TBC1D5: variants seen among roughly 807,000 people sequenced by gnomAD.
TBC1D5 encodes TBC1 domain family, member 5.
In TBC1D5, 75 loss-of-function variants were observed where a neutral mutation model predicts 100.3. The observed-to-expected ratio is 0.75, with a 90% CI of 0.62 to 0.91. TBC1D5 has a LOEUF of 0.91. Among genes scored for constraint, TBC1D5 ranks in the 40% least tolerant of loss-of-function variants. TBC1D5 has a pLI of 0.00. For missense variants in TBC1D5, 910 were observed against 942.4 expected, an observed-to-expected ratio of 0.97 and a Z score of 0.45; for synonymous variants, 323 against 325.6, an observed-to-expected ratio of 0.99 and a Z score of 0.09.
At chr3:17,612,200 T>A (rs1226800921) in intron 2 of TBC1D5, among the ~76,000 whole-genome samples, 3 of 149,578 alleles carry the variant, frequency 2.0e-5, no homozygotes, top group African/African-American at 7.4e-5. Flanking sequence ...CTTGGAAGGC[T>A]GAGGTGGGAG....
intron 3 of TBC1D5, among the ~76,000 whole-genome samples, chr3:17,491,343 C>T (rs987824627): frequency 5.9e-5 from 9 of 152,110 alleles, no homozygotes; most frequent in Middle Eastern, 3.2e-3. Context: ...ACTTTCAATA[C>T]TATGTTAAAT....
Position 17,484,618 on chromosome 3 carries a change from G to C in TBC1D5, c.97+23856C>G, listed in dbSNP as rs941419608. 2.0e-5 allele frequency among the ~76,000 whole-genome samples: 3 copies of C among 151,994 alleles called. 1 individual carries two copies. The highest frequency in any genetic ancestry group is 7.3e-5 in the African/African-American group (3 of 41,372). On this transcript the variant is annotated intron_variant, in intron 3 of 21. Coordinates refer to ENST00000253692, the Ensembl canonical transcript of TBC1D5. ...TCAAGTGAGCCTCCCAAGTAGGTGA[G>C]ACCAAAGGTGTATGCCATTATGCTT...
intron 3 of TBC1D5, among the ~76,000 whole-genome samples, chr3:17,484,468 G>A (rs557262766): frequency 6.7e-6 from 1 of 150,068 alleles, no homozygotes. Context: ...GTGTGTGTGT[G>A]TGTGTGTGTG....
intron 1 of TBC1D5, among the ~76,000 whole-genome samples, chr3:17,636,643 A>G (rs186768900): frequency 3.3e-4 from 50 of 151,924 alleles, no homozygotes; most frequent in Middle Eastern, 3.4e-3. Flanking sequence ...TAAAAAATAA[A>G]AAAAAAAATT....
At chr3:17,528,214 C>T (rs989789593) in intron 2 of TBC1D5, among the ~76,000 whole-genome samples, 3 of 152,154 alleles carry the variant, frequency 2.0e-5, no homozygotes, top group Admixed American at 1.3e-4. Flanking sequence ...CGTGAGCCAC[C>T]GTACCCAGCC....
intron 3 of TBC1D5, among the ~76,000 whole-genome samples, chr3:17,483,299 C>T (rs2095522132): frequency 6.6e-6 from 1 of 152,100 alleles, no homozygotes; most frequent in African/African-American, 2.4e-5. Context: ...CACCCCCCAC[C>T]CCACCCCATA....
chr3:17,513,618 C>G (rs2095942349), intron 2 of TBC1D5, among the ~76,000 whole-genome samples: 1 of 152,148 alleles, frequency 6.6e-6, no homozygotes, highest in South Asian at 2.1e-4. Context: ...CTCATATAAG[C>G]ATACTTCATT....
At chr3:17,493,254 T>G (rs1256100582) in intron 3 of TBC1D5, among the ~76,000 whole-genome samples, 2 of 152,046 alleles carry the variant, frequency 1.3e-5, no homozygotes, top group African/African-American at 2.4e-5. Flanking sequence ...TTTAAGAATG[T>G]TGAATATTGG....
chr3:17,593,759 C>T (rs1352438828), intron 2 of TBC1D5, among the ~76,000 whole-genome samples: 3 of 152,168 alleles, frequency 2.0e-5, no homozygotes. Flanking sequence ...TGTTCCCCAT[C>T]ATCCTAAAGC....
chr3:17,232,961 A>C (rs575934039), intron 17 of TBC1D5, among the ~76,000 whole-genome samples: 4 of 152,198 alleles, frequency 2.6e-5, no homozygotes, highest in Admixed American at 6.6e-5. Flanking sequence ...CATTTAACAC[A>C]GAAATCCTCT....
chr3:17,724,869 C>T (rs1381861025), intron 1 of TBC1D5, among the ~76,000 whole-genome samples: 10 of 152,156 alleles, frequency 6.6e-5, no homozygotes, highest in Admixed American at 6.5e-4. Flanking sequence ...TTTCTTCACT[C>T]ATATATCTAG....
intron 18 of TBC1D5, among the ~76,000 whole-genome samples, chr3:17,186,776 A>G (rs1247731189): frequency 6.6e-6 from 1 of 151,234 alleles, no homozygotes; most frequent in Non-Finnish European, 1.5e-5. Context: ...AAATAGACAT[A>G]ATAGTAGCAG....
intron 18 of TBC1D5, among the ~76,000 whole-genome samples, chr3:17,186,710 CAAAAAAAAAAAAAAAAAAA>C (rs58438478): frequency 9.5e-4 from 26 of 27,282 alleles, no homozygotes; most frequent in South Asian, 5.2e-3. Context: ...ACTCTATCTC[CAAAAAAAAAAAAAAAAAAA>C]AAAAAAAAAA....
At chr3:17,158,870 T>C (rs2065806723) in exon 22 of TBC1D5, 1 of 152,274 alleles carries the variant, frequency 6.6e-6, no homozygotes, top group African/African-American at 2.4e-5. Context: ...GCCAGGTCTG[T>C]GGTCCTTTCC....
intron 2 of TBC1D5, among the ~76,000 whole-genome samples, chr3:17,607,125 A>C (rs1003921841): frequency 6.6e-6 from 1 of 152,212 alleles, no homozygotes; most frequent in African/African-American, 2.4e-5. Flanking sequence ...GATGATCTAA[A>C]AACTCAGATG....
At chr3:17,431,598 A>G (rs2094448892) in intron 3 of TBC1D5, among the ~76,000 whole-genome samples, 1 of 152,040 alleles carries the variant, frequency 6.6e-6, no homozygotes, top group Non-Finnish European at 1.5e-5. Flanking sequence ...TAAGTTTGAA[A>G]TTTATATAAC....
rs745818828 is a variant in TBC1D5 at position 17,258,498 on chromosome 3, G to A, written c.1331+8C>T. The A allele has an allele frequency of 6.2e-7, 1 of 1,606,660 alleles. No homozygotes were observed. The highest frequency in any genetic ancestry group is 8.5e-7 in the Non-Finnish European group (1 of 1,176,804). On this transcript the variant is annotated splice_region_variant and intron_variant, in intron 16 of 21. Coordinates refer to ENST00000253692, the Ensembl canonical transcript of TBC1D5. ...ATTTATAACTATCATCAGAAAAAGGGGACTTACCGGCTTTTATTCATGAGG... is the reference window on the plus strand; with the variant it reads ...ATTTATAACTATCATCAGAAAAAGGAGACTTACCGGCTTTTATTCATGAGG...
At chr3:17,372,309 C>A in intron 12 of TBC1D5, 62 bp from the exon 13 acceptor site, 3 of 1,398,898 alleles carry the variant, frequency 2.1e-6, no homozygotes, top group East Asian at 2.5e-5. Context: ...ATATGGATGT[C>A]ATTCTTTATC....
intron 13 of TBC1D5, among the ~76,000 whole-genome samples, chr3:17,328,616 A>T (rs2086487805): frequency 6.6e-6 from 1 of 152,202 alleles, no homozygotes; most frequent in African/African-American, 2.4e-5. Flanking sequence ...AAAAATTTGC[A>T]GTGCTGAGTT....
Sources: allele counts gnomAD v4.1 joint callset (sites outside exome capture counted in the v4.1 genomes callset), GRCh38; gene constraint gnomAD v4.1.1; transcripts MANE v1.5; gene names NCBI Gene and HGNC (gene_info 2026-07-23, HGNC 2026-07-21).